Variants in MYOM2 observed in about 807,000 individuals in gnomAD.
The protein encoded by MYOM2 is myomesin 2.
Under a neutral mutation model 187.6 loss-of-function variants are expected in MYOM2, and 254 were observed. That is an observed-to-expected ratio of 1.35 (90% confidence interval 1.22 to 1.50). The LOEUF (loss-of-function observed/expected upper bound fraction) is 1.50. MYOM2 is among the 40% of genes most tolerant of loss of function. MYOM2 has a pLI of 0.00. For missense variants in MYOM2, 2,796 were observed against 1,924.0 expected, an observed-to-expected ratio of 1.45 and a Z score of -8.48; for synonymous variants, 981 against 753.8, an observed-to-expected ratio of 1.30 and a Z score of -4.94.
At chr8:2,088,371 T>C (rs1229536998) in intron 14 of MYOM2, among the ~76,000 whole-genome samples, 2 of 152,264 alleles carry the variant, frequency 1.3e-5, no homozygotes, top group African/African-American at 4.8e-5. Context: ...CGAGGTGCAG[T>C]TGATCTCGTC....
intron 6 of MYOM2, 72 bp from the exon 7 acceptor site, chr8:2,069,206 T>C: frequency 1.4e-6 from 2 of 1,446,826 alleles, no homozygotes; most frequent in Non-Finnish European, 1.9e-6. Context: ...CGAGGAATGC[T>C]TTTGTGCAAT....
At chr8:2,098,403 G>A (rs1195823123) in intron 18 of MYOM2, among the ~76,000 whole-genome samples, 1 of 152,126 alleles carries the variant, frequency 6.6e-6, no homozygotes, top group Non-Finnish European at 1.5e-5. Context: ...CAGAGTCCAA[G>A]TATGGGGGAC....
intron 32 of MYOM2, among the ~76,000 whole-genome samples, chr8:2,133,885 A>G (rs919398235): frequency 6.6e-6 from 1 of 151,816 alleles, no homozygotes; most frequent in Non-Finnish European, 1.5e-5. Flanking sequence ...TCACTGTGAA[A>G]TAATTTTAGA....
At position 2,109,911 on chromosome 8, in the gene MYOM2, T is replaced by TC. The variant is rs1281824196; in HGVS notation, c.3180+386dup. On this transcript the variant is annotated intron_variant, in intron 25 of 36. Transcript: ENST00000262113. ...TTGTGAGAGAGGCCTCCCTGCATTC[T>TC]CCCCCCACTGACAGCTTCCCATGGA... 5.9e-5 allele frequency among the ~76,000 whole-genome samples: 9 copies of TC among 152,280 alleles called. No individual in the cohort carries two copies. The East Asian group carries it at 1.5e-3, about 26-fold the overall frequency.
At chr8:2,129,102 T>C (rs769544670) in intron 31 of MYOM2, 25 bp from the exon 32 acceptor site, 2 of 1,561,416 alleles carry the variant, frequency 1.3e-6, no homozygotes, top group Non-Finnish European at 1.8e-6. Flanking sequence ...TTTTCCTAGA[T>C]CTGAGGATGT....
chr8:2,088,334 C>T (rs942188670), intron 14 of MYOM2, among the ~76,000 whole-genome samples: 4 of 152,176 alleles, frequency 2.6e-5, no homozygotes, highest in African/African-American at 9.7e-5. Flanking sequence ...CAAGTTCTGA[C>T]AGGGGTATGT....
At position 2,106,654 on chromosome 8, in the gene MYOM2, T is replaced by G. The variant is rs898878058; in HGVS notation, c.2998+57T>G. The G allele has an allele frequency of 5.6e-6, 7 of 1,253,318 alleles. No individual in the cohort carries two copies. The African/African-American group carries it at 1.1e-4, about 19-fold the overall frequency. 77.6% of individuals were successfully genotyped at this position (1,253,318 alleles called of 1,614,324 possible). A position where few individuals can be genotyped will look rare whatever the true frequency, so the allele number is the denominator to read the frequency against. Reference sequence around the variant, plus strand: ...TTGGTTTTATCACACTTTCAAAGATTGACACCAACATAGAAAAGACTTACT... The same window carrying G: ...TTGGTTTTATCACACTTTCAAAGATGGACACCAACATAGAAAAGACTTACT... On this transcript the variant is annotated intron_variant, in intron 23 of 36. Transcript: ENST00000262113.
At chr8:2,137,117 C>T (rs1334896382) in intron 32 of MYOM2, among the ~76,000 whole-genome samples, 1 of 151,172 alleles carries the variant, frequency 6.6e-6, no homozygotes, top group Admixed American at 6.6e-5. Flanking sequence ...TGAACATCTT[C>T]GTCTATACAT....
chr8:2,096,195 C>T (rs1796476549), intron 17 of MYOM2, 52 bp from the exon 18 acceptor site: 2 of 1,566,878 alleles, frequency 1.3e-6, no homozygotes, highest in Non-Finnish European at 1.7e-6. Flanking sequence ...GCCCCGGGGA[C>T]AAAGCCCCCA....
chr8:2,111,638 G>A (rs1281762478), intron 25 of MYOM2, among the ~76,000 whole-genome samples: 4 of 152,216 alleles, frequency 2.6e-5, no homozygotes, highest in Non-Finnish European at 1.5e-5. Context: ...CCACGGGACG[G>A]TGTATCCACT....
intron 36 of MYOM2, among the ~76,000 whole-genome samples, 155 bp from the exon 37 acceptor site, chr8:2,144,509 G>C (rs1303466009): frequency 6.6e-6 from 1 of 152,192 alleles, no homozygotes; most frequent in Non-Finnish European, 1.5e-5. Flanking sequence ...GCTCTGTCCA[G>C]AGCGGCGCTC....
chr8:2,126,371 C>G (rs1364509512), intron 31 of MYOM2, among the ~76,000 whole-genome samples: 2 of 127,806 alleles, frequency 1.6e-5, no homozygotes, highest in Non-Finnish European at 1.8e-5. Flanking sequence ...CACCCACACA[C>G]TCACATCCCC....
At chr8:2,136,820 A>G (rs1256792862) in intron 32 of MYOM2, among the ~76,000 whole-genome samples, 1 of 152,234 alleles carries the variant, frequency 6.6e-6, no homozygotes, top group East Asian at 1.9e-4. Context: ...GTGTGAGTAG[A>G]ATGGATCACC....
At position 2,102,684 on chromosome 8, in the gene MYOM2, A is replaced by C; in HGVS notation, c.2637A>C (p.Gln879His). The change falls in exon 21 of 37, where the codon CAA becomes CAC. Residue 879 changes from glutamine to histidine, a missense_variant. Gln to His is a conservative substitution (Grantham distance 24). Coordinates refer to ENST00000262113, the MANE Select transcript of MYOM2 (RefSeq NM_003970.4). The stretch of plus-strand genomic sequence containing the variant: ...GTTTCAAGGTCTCTGACCTGCAGCA[A>C]GGTAAGACCTATGTCTTCAGGGTCC... ...SRYLKVSDLQ[Q>H]GKTYVFRVRA... 6.2e-7 allele frequency: 1 copy of C among 1,611,510 alleles called. No individual in the cohort carries two copies. The highest frequency in any genetic ancestry group is 8.5e-7 in the Non-Finnish European group (1 of 1,177,788).
At chr8:2,059,116 T>A in intron 5 of MYOM2, 37 bp from the exon 6 acceptor site, 2 of 1,581,390 alleles carry the variant, frequency 1.3e-6, no homozygotes, top group Non-Finnish European at 1.7e-6. Flanking sequence ...AAAATACAAC[T>A]CTGCCTTTAA....
At chr8:2,127,644 G>C (rs1339807806) in intron 31 of MYOM2, 2 of 121,500 alleles carry the variant, frequency 1.6e-5, no homozygotes, top group Admixed American at 1.7e-4. Context: ...TGACGCAGCC[G>C]CAGGCAGGCA....
rs368379782 is a variant in MYOM2 at position 2,059,215 on chromosome 8, A to G, written c.623A>G (p.Asn208Ser). Residue 208 changes from asparagine (N) to serine (S), a missense_variant, in exon 6 of 37, where the codon AAC becomes AGC. By Grantham distance (46) the Asn-to-Ser change is conservative. Transcript: ENST00000262113. ...AEPGKYRIES[N>S]YGVHTLEINR... The stretch of plus-strand genomic sequence containing the variant: ...CCGGGAAAGTACAGGATTGAGAGCA[A>G]CTATGGCGTACACACACTGGAGATC... The G allele has an allele frequency of 1.5e-4, 243 of 1,614,228 alleles. 1 individual carries two copies. In the South Asian group the frequency reaches 2.5e-3, roughly 17 times the overall value.
chr8:2,086,625 C>G (rs1796091288), intron 14 of MYOM2, among the ~76,000 whole-genome samples: 1 of 152,238 alleles, frequency 6.6e-6, no homozygotes, highest in African/African-American at 2.4e-5. Context: ...GCTGTGGTCA[C>G]ACGGCAGCAG....
chr8:2,128,471 C>T (rs1330712200), intron 31 of MYOM2, among the ~76,000 whole-genome samples: 1 of 152,228 alleles, frequency 6.6e-6, no homozygotes, highest in African/African-American at 2.4e-5. Context: ...TGATAACAAT[C>T]TCTACTTCCA....
Sources: allele counts gnomAD v4.1 joint callset (sites outside exome capture counted in the v4.1 genomes callset), GRCh38; gene constraint gnomAD v4.1.1; transcripts MANE v1.5; gene names NCBI Gene and HGNC (gene_info 2026-07-23, HGNC 2026-07-21).